ROBO2: variants seen among roughly 807,000 people sequenced by gnomAD.
ROBO2 encodes roundabout homolog 2.
Under a neutral mutation model 160.8 loss-of-function variants are expected in ROBO2, and 53 were observed. The ratio of observed to expected loss-of-function variants is 0.33; its 90% CI spans 0.26 to 0.41. The LOEUF (loss-of-function observed/expected upper bound fraction) is 0.41. Among genes scored for constraint, ROBO2 ranks in the 10% least tolerant of loss-of-function variants. The pLI is 1.00. For synonymous variants in ROBO2, 664 were observed against 611.7 expected (o/e 1.09, Z -1.26); for missense variants, 1,577 against 1,722.4 (o/e 0.92, Z 1.49).
intron 2 of ROBO2, among the ~76,000 whole-genome samples, chr3:76,735,792 A>AGGGC (rs2093700987): frequency 8.0e-6 from 1 of 124,568 alleles, no homozygotes; most frequent in African/African-American, 3.1e-5. Context: ...AAAAAGGGGA[A>AGGGC]AGGGAAAAGA....
At chr3:77,548,739 A>T (rs1157243331) in intron 7 of ROBO2, among the ~76,000 whole-genome samples, 2 of 151,836 alleles carry the variant, frequency 1.3e-5, no homozygotes. Flanking sequence ...TTCCTCACCT[A>T]TCTCTCTCCC....
chr3:76,221,233 C>G (rs1349082700), intron 2 of ROBO2, among the ~76,000 whole-genome samples: 1 of 152,130 alleles, frequency 6.6e-6, no homozygotes, highest in African/African-American at 2.4e-5. Context: ...AAAAATTTTG[C>G]TAGTGGGTAA....
intron 2 of ROBO2, among the ~76,000 whole-genome samples, chr3:77,167,178 TTG>T (rs2079174652): frequency 6.6e-6 from 1 of 152,170 alleles, no homozygotes; most frequent in African/African-American, 2.4e-5. Flanking sequence ...ATTGATAAAA[TTG>T]TGTTATTTAT....
At chr3:77,347,410 T>C (rs1050522217) in intron 2 of ROBO2, among the ~76,000 whole-genome samples, 1 of 151,932 alleles carries the variant, frequency 6.6e-6, no homozygotes, top group African/African-American at 2.4e-5. Context: ...TTTGTAGCAA[T>C]TTTCCCTCTT....
chr3:77,532,338 T>C (rs1050318044), intron 6 of ROBO2, among the ~76,000 whole-genome samples: 4 of 152,108 alleles, frequency 2.6e-5, no homozygotes, highest in Non-Finnish European at 2.9e-5. Context: ...TCTTTTACCA[T>C]ATGAATATGC....
intron 2 of ROBO2, among the ~76,000 whole-genome samples, chr3:77,307,410 A>G (rs1018575641): frequency 2.0e-5 from 3 of 152,158 alleles, no homozygotes; most frequent in African/African-American, 7.2e-5. Context: ...ACATAAAAGC[A>G]TACAGGGGTG....
intron 2 of ROBO2, among the ~76,000 whole-genome samples, chr3:76,151,503 A>T (rs1244163801): frequency 6.6e-6 from 1 of 152,138 alleles, no homozygotes; most frequent in East Asian, 1.9e-4. Flanking sequence ...GCTTTGATCC[A>T]TTGGTCCTAT....
At chr3:76,472,025 A>T (rs2078680895) in intron 2 of ROBO2, among the ~76,000 whole-genome samples, 1 of 151,924 alleles carries the variant, frequency 6.6e-6, no homozygotes. Flanking sequence ...GTGGGGACAC[A>T]GCCAAACCAT....
chr3:76,346,611 C>T (rs1046336736), intron 2 of ROBO2, among the ~76,000 whole-genome samples: 3 of 151,956 alleles, frequency 2.0e-5, no homozygotes, highest in African/African-American at 7.3e-5. Flanking sequence ...TTTTATTGTC[C>T]AGAGCCACTA....
chr3:77,034,619 A>G (rs879374716), intron 2 of ROBO2, among the ~76,000 whole-genome samples: 1 of 151,916 alleles, frequency 6.6e-6, no homozygotes, highest in Non-Finnish European at 1.5e-5. Flanking sequence ...TGAAGTATCC[A>G]TTGTGAAACA....
At chr3:76,482,321 C>G (rs563683281) in intron 2 of ROBO2, among the ~76,000 whole-genome samples, 2 of 152,100 alleles carry the variant, frequency 1.3e-5, no homozygotes, top group African/African-American at 4.8e-5. Context: ...AGGACTTATT[C>G]TTCCATGAAT....
chr3:76,961,247 G>GA (rs371889909), intron 2 of ROBO2, among the ~76,000 whole-genome samples: 1,644 of 54,438 alleles, frequency 0.03, 30 homozygotes, highest in East Asian at 0.046. Flanking sequence ...GTGCCACAGA[G>GA]AAAAAAAAAA....
chr3:76,311,381 A>C (rs2071573871), intron 2 of ROBO2: 2 of 152,166 alleles, frequency 1.3e-5, no homozygotes, highest in African/African-American at 4.8e-5. Flanking sequence ...GAGCAAGCTG[A>C]CCCGGACCCC....
chr3:77,049,637 A>G (rs1030048367), intron 1 of ROBO2, among the ~76,000 whole-genome samples: 1 of 152,228 alleles, frequency 6.6e-6, no homozygotes, highest in Non-Finnish European at 1.5e-5. Context: ...CACTATAACT[A>G]GAACCATATG....
At chr3:76,124,758 TA>T (rs2070900850) in intron 2 of ROBO2, among the ~76,000 whole-genome samples, 1 of 152,288 alleles carries the variant, frequency 6.6e-6, no homozygotes, top group South Asian at 2.1e-4. Context: ...ATATTACATA[TA>T]TTTTTTTCTG....
intron 2 of ROBO2, among the ~76,000 whole-genome samples, chr3:76,589,878 T>G (rs1401062062): frequency 6.6e-6 from 1 of 152,172 alleles, no homozygotes; most frequent in Non-Finnish European, 1.5e-5. Flanking sequence ...TACAAGTTTC[T>G]TTAAAAATGT....
At chr3:77,039,128 G>T (rs1427263799), upstream of ROBO2, among the ~76,000 whole-genome samples, 1 of 152,198 alleles carries the variant, frequency 6.6e-6, no homozygotes, top group African/African-American at 2.4e-5. Flanking sequence ...TGGGGATGCC[G>T]CAGGGGGCCA....
intron 2 of ROBO2, among the ~76,000 whole-genome samples, chr3:76,710,788 G>A (rs1422318751): frequency 6.6e-6 from 1 of 152,164 alleles, no homozygotes; most frequent in Non-Finnish European, 1.5e-5. Flanking sequence ...AGAGAAATGA[G>A]CTAAAGATAT....
At chr3:77,261,657 AG>A (rs779525381) in intron 2 of ROBO2, among the ~76,000 whole-genome samples, 2 of 152,140 alleles carry the variant, frequency 1.3e-5, no homozygotes, top group Admixed American at 6.6e-5. Context: ...GCAGGAGGTG[AG>A]GGGGGTGGTG....
Sources: allele counts gnomAD v4.1 joint callset (sites outside exome capture counted in the v4.1 genomes callset), GRCh38; gene constraint gnomAD v4.1.1; transcripts MANE v1.5; gene names NCBI Gene and HGNC (gene_info 2026-07-23, HGNC 2026-07-21).